Variants in FAT3 observed in about 807,000 individuals in gnomAD.
FAT3 encodes the protein protocadherin Fat 3.
Under a neutral mutation model 310.2 loss-of-function variants are expected in FAT3, and 95 were observed. The observed-to-expected ratio is 0.31, with a 90% CI of 0.26 to 0.36. The LOEUF is 0.36. Ranked by LOEUF, FAT3 falls within the 10% of genes least tolerant of loss-of-function variation. The pLI is 1.00. For synonymous variants in FAT3, 2,314 were observed against 2,192.9 expected (o/e 1.06, Z -1.54); for missense variants, 5,408 against 5,715.6 (o/e 0.95, Z 1.74).
At chr11:92,877,256 G>A (rs1266036803) in intron 22 of FAT3, among the ~76,000 whole-genome samples, 1 of 152,142 alleles carries the variant, frequency 6.6e-6, no homozygotes. Flanking sequence ...GGAACTGGAG[G>A]CACCAGTCAC....
intron 25 of FAT3, among the ~76,000 whole-genome samples, chr11:92,887,868 G>A (rs1469126188): frequency 6.6e-6 from 1 of 152,108 alleles, no homozygotes; most frequent in Non-Finnish European, 1.5e-5. Context: ...TCAACGTGCT[G>A]GGTAAACTAA....
At chr11:92,795,091 C>A (rs188741138) in intron 9 of FAT3, among the ~76,000 whole-genome samples, 5 of 152,060 alleles carry the variant, frequency 3.3e-5, no homozygotes, top group African/African-American at 9.7e-5. Context: ...TTATTTTGGC[C>A]TGAAGGACTG....
At chr11:92,333,032 G>A (rs569492594) in intron 1 of FAT3, among the ~76,000 whole-genome samples, 143 of 152,232 alleles carry the variant, frequency 9.4e-4, no homozygotes, top group African/African-American at 2.8e-3. Context: ...TGATCTCAGC[G>A]TTAAAAAACT....
intron 13 of FAT3, among the ~76,000 whole-genome samples, chr11:92,824,929 C>G (rs897604522): frequency 2.0e-5 from 3 of 151,914 alleles, no homozygotes; most frequent in African/African-American, 7.3e-5. Flanking sequence ...ATCATATGAC[C>G]GTGGGATGAT....
intron 2 of FAT3, among the ~76,000 whole-genome samples, chr11:92,465,651 G>T (rs552499871): frequency 3.6e-4 from 54 of 152,094 alleles, no homozygotes; most frequent in Non-Finnish European, 6.2e-4. Flanking sequence ...CTCATAGGTG[G>T]GAATTGAACA....
chr11:92,284,520 G>A (rs1199681965), intron 1 of FAT3, among the ~76,000 whole-genome samples: 2 of 152,078 alleles, frequency 1.3e-5, no homozygotes, highest in African/African-American at 4.8e-5. Flanking sequence ...TAAGAGTCCT[G>A]GAGCACAGGA....
intron 2 of FAT3, among the ~76,000 whole-genome samples, chr11:92,445,329 T>C (rs987103417): frequency 2.6e-5 from 4 of 152,120 alleles, no homozygotes; most frequent in Admixed American, 1.3e-4. Flanking sequence ...AGTGGAATCA[T>C]GATCTCTGGG....
chr11:92,323,229 ATGTG>A (rs560735542), intron 1 of FAT3, among the ~76,000 whole-genome samples: 1 of 151,104 alleles, frequency 6.6e-6, no homozygotes, highest in South Asian at 2.1e-4. Context: ...ACATATATAT[ATGTG>A]TGTGTGTGTG....
rs1565252944 is a variant in FAT3, at chr11:92,355,149, A to G, written c.3037A>G (p.Lys1013Glu). ...GTTCTATAACCTTACTGTGCGGGCC[A>G]AAGACAAAGGGCGGCCTGTCTCTCT... is the stretch of plus-strand genomic sequence containing the variant. Reference protein sequence around the residue: ...QQFYNLTVRAKDKGRPVSLSS... With the variant: ...QQFYNLTVRAEDKGRPVSLSS... Residue 1013 changes from lysine to glutamate, a missense_variant, in exon 2 of 28, where the codon AAA becomes GAA. By Grantham distance (56) the Lys-to-Glu change is moderately conservative. Around this residue, in one of 5 missense-constraint regions of FAT3, gnomAD observed 4,588 missense variants for 4,809.8 expected, o/e 0.95. Coordinates refer to ENST00000525166, the MANE Select transcript of FAT3 (RefSeq NM_001367949.2). The G allele has an allele frequency of 1.9e-6, 3 of 1,613,808 alleles. No homozygotes were observed. Among genetic ancestry groups the G allele is most frequent in the Non-Finnish European group, 2.5e-6 (3 of 1,179,844 alleles).
At chr11:92,238,321 A>C (rs1304370416) in intron 1 of FAT3, among the ~76,000 whole-genome samples, 4 of 152,144 alleles carry the variant, frequency 2.6e-5, no homozygotes, top group Non-Finnish European at 5.9e-5. Flanking sequence ...TCATCAAAGC[A>C]CTTAAATTTT....
At chr11:92,557,591 G>C (rs1206308017) in intron 3 of FAT3, among the ~76,000 whole-genome samples, 4 of 152,168 alleles carry the variant, frequency 2.6e-5, no homozygotes. Context: ...GATGAGGTTG[G>C]TCCATTCTTG....
chr11:92,730,152 A>G (rs1011590081), intron 4 of FAT3, among the ~76,000 whole-genome samples: 4 of 152,070 alleles, frequency 2.6e-5, no homozygotes, highest in African/African-American at 9.7e-5. Flanking sequence ...CCTTGGCAAC[A>G]TACTGAGACC....
chr11:92,388,906 ACTTT>A (rs1369996643), intron 2 of FAT3, among the ~76,000 whole-genome samples: 1 of 152,010 alleles, frequency 6.6e-6, no homozygotes, highest in Non-Finnish European at 1.5e-5. Context: ...CCTGAACTGG[ACTTT>A]CTTTCCATTT....
intron 15 of FAT3, among the ~76,000 whole-genome samples, chr11:92,836,173 A>G (rs1948401976): frequency 6.6e-6 from 1 of 152,164 alleles, no homozygotes; most frequent in African/African-American, 2.4e-5. Flanking sequence ...TGGCTTCCTT[A>G]ACATGGAAAT....
intron 2 of FAT3, among the ~76,000 whole-genome samples, chr11:92,438,524 G>A (rs1191482252): frequency 6.6e-6 from 1 of 152,130 alleles, no homozygotes; most frequent in African/African-American, 2.4e-5. Context: ...ATTATTGTGC[G>A]ACTATCACCA....
chr11:92,275,149 C>G (rs1466987487), intron 1 of FAT3, among the ~76,000 whole-genome samples: 1 of 152,052 alleles, frequency 6.6e-6, no homozygotes, highest in African/African-American at 2.4e-5. Flanking sequence ...AAGTAGGAGC[C>G]TCTCCATCCA....
intron 2 of FAT3, among the ~76,000 whole-genome samples, chr11:92,431,922 T>C (rs1950790659): frequency 6.6e-6 from 1 of 152,210 alleles, no homozygotes; most frequent in Non-Finnish European, 1.5e-5. Context: ...TAGTTTGAAG[T>C]CAGGTAGCAT....
In FAT3 at chr11:92,831,725, T is replaced by G. The variant is rs1254919806; in HGVS notation, c.9585T>G (p.Arg3195=). 6.2e-7 allele frequency: 1 copy of G among 1,613,486 alleles called. No homozygotes were observed. The highest frequency in any genetic ancestry group is 8.5e-7 in the Non-Finnish European group (1 of 1,179,766). ...GIIILEQPLD[R]EQQSSYNISV... ...TCATCCTGGAGCAGCCACTGGACCG[T>G]GAGCAGCAGTCTTCGTACAACATCA... The change falls in exon 14 of 28, where the codon CGT becomes CGG. Residue 3195 remains arginine, a synonymous_variant. Coordinates refer to ENST00000525166, the MANE Select transcript of FAT3 (RefSeq NM_001367949.2).
intron 2 of FAT3, among the ~76,000 whole-genome samples, chr11:92,359,594 G>A (rs1296413326): frequency 5.7e-4 from 84 of 148,286 alleles, no homozygotes; most frequent in Non-Finnish European, 1.1e-3. Flanking sequence ...TCGTCATCTA[G>A]CCTTAGGTAT....
Sources: allele counts gnomAD v4.1 joint callset (sites outside exome capture counted in the v4.1 genomes callset), GRCh38; gene constraint gnomAD v4.1.1; regional missense constraint gnomAD v4.1.1; transcripts MANE v1.5; gene names NCBI Gene and HGNC (gene_info 2026-07-23, HGNC 2026-07-21).